COL19A1: variants seen among roughly 807,000 people sequenced by gnomAD.
The protein encoded by COL19A1 is collagen alpha-1(XIX) chain.
COL19A1 carries 159 observed loss-of-function variants against 190.2 expected under a neutral mutation model. The observed-to-expected ratio is 0.84, with a 90% CI of 0.73 to 0.95. The LOEUF (loss-of-function observed/expected upper bound fraction) is 0.95. Ranked by LOEUF, COL19A1 falls within the 40% of genes least tolerant of loss-of-function variation. The pLI is 0.00. For missense variants in COL19A1, 1,418 were observed against 1,431.9 expected, an observed-to-expected ratio of 0.99 and a Z score of 0.16; for synonymous variants, 509 against 458.9, an observed-to-expected ratio of 1.11 and a Z score of -1.39.
chr6:70,164,950 G>T (rs995017822), intron 36 of COL19A1, among the ~76,000 whole-genome samples: 3 of 152,094 alleles, frequency 2.0e-5, no homozygotes, highest in African/African-American at 7.2e-5. Context: ...TGATACTTTC[G>T]TTACAAAAAA....
intron 11 of COL19A1, among the ~76,000 whole-genome samples, chr6:69,989,553 CTTTTTTTTT>C (rs3072698): frequency 1.6e-5 from 2 of 126,354 alleles, no homozygotes; most frequent in Non-Finnish European, 3.3e-5. Flanking sequence ...GAGTTTTTTA[CTTTTTTTTT>C]TTTTTTTGCT....
intron 14 of COL19A1, among the ~76,000 whole-genome samples, chr6:70,040,617 G>A (rs1009293924): frequency 1.1e-4 from 17 of 151,950 alleles, no homozygotes; most frequent in African/African-American, 3.1e-4. Flanking sequence ...CTTTGATAAC[G>A]TTTGAATCCT....
At chr6:70,113,780 A>ATC (rs1375765852) in intron 16 of COL19A1, among the ~76,000 whole-genome samples, 1 of 140,290 alleles carries the variant, frequency 7.1e-6, no homozygotes, top group African/African-American at 2.7e-5. Flanking sequence ...CCTCTCTCTT[A>ATC]TCCTTACCCC....
intron 42 of COL19A1, among the ~76,000 whole-genome samples, chr6:70,178,366 A>T (rs1315054250): frequency 1.3e-5 from 2 of 152,176 alleles, no homozygotes; most frequent in Admixed American, 6.5e-5. Flanking sequence ...ACAGAGCAAG[A>T]CCCTGTCTCA....
intron 1 of COL19A1, among the ~76,000 whole-genome samples, chr6:69,876,624 T>C (rs982001583): frequency 2.0e-5 from 3 of 152,194 alleles, no homozygotes; most frequent in African/African-American, 7.2e-5. Flanking sequence ...GTACATAGCT[T>C]TTCCACAAGT....
intron 12 of COL19A1, among the ~76,000 whole-genome samples, chr6:70,024,533 A>G (rs1055736735): frequency 6.6e-6 from 1 of 151,826 alleles, no homozygotes; most frequent in African/African-American, 2.4e-5. Flanking sequence ...GGAGATCATT[A>G]CAGCGGAAGA....
intron 17 of COL19A1, among the ~76,000 whole-genome samples, chr6:70,123,513 G>A (rs1168282123): frequency 2.7e-5 from 4 of 145,556 alleles, no homozygotes; most frequent in African/African-American, 7.8e-5. Context: ...GCACACGTAT[G>A]TTTATTGTGG....
chr6:70,157,563 A>G (rs140055198), intron 34 of COL19A1, among the ~76,000 whole-genome samples: 1 of 152,270 alleles, frequency 6.6e-6, no homozygotes, highest in African/African-American at 2.4e-5. Flanking sequence ...TTACATTACC[A>G]GTAATCATCA....
chr6:70,193,217 A>G (rs192451372), intron 48 of COL19A1, among the ~76,000 whole-genome samples: 8 of 152,110 alleles, frequency 5.3e-5, no homozygotes, highest in Admixed American at 2.0e-4. Flanking sequence ...CAAAAGAGAC[A>G]CTTCTACTCC....
At chr6:69,894,262 A>G (rs749999546) in intron 2 of COL19A1, among the ~76,000 whole-genome samples, 1 of 152,216 alleles carries the variant, frequency 6.6e-6, no homozygotes, top group Non-Finnish European at 1.5e-5. Context: ...AAAACTTGGT[A>G]AGTTGCTTTG....
Position 69,932,831 on chromosome 6 carries a change from CAAG to C in COL19A1, c.718_720del (p.Glu240del). ...CTACTGCAGTGCAAACCTCATAGCTCAAGAAACATGTTGTGAAATATCAGATAC... is the reference window on the plus strand; with the variant it reads ...CTACTGCAGTGCAAACCTCATAGCTCAAACATGTTGTGAAATATCAGATAC... On this transcript the variant is annotated inframe_deletion, in exon 7 of 51. Transcript: ENST00000620364. 6.2e-7 allele frequency: 1 copy of C among 1,608,518 alleles called. No individual in the cohort carries two copies. The highest frequency in any genetic ancestry group is 8.5e-7 in the Non-Finnish European group (1 of 1,176,638).
chr6:70,131,211 A>G, intron 18 of COL19A1: 1 of 263,244 alleles, frequency 3.8e-6, no homozygotes, highest in Non-Finnish European at 8.0e-6. Context: ...AGAGATGAGT[A>G]GTTTGAAAAT....
At chr6:70,157,694 C>T (rs535684970) in intron 34 of COL19A1, among the ~76,000 whole-genome samples, 79 of 152,072 alleles carry the variant, frequency 5.2e-4, no homozygotes, top group African/African-American at 1.8e-3. Context: ...ATAAATAAAA[C>T]ATTATCTTCA....
chr6:70,201,046 G>T (rs1438284905), intron 49 of COL19A1, among the ~76,000 whole-genome samples: 3 of 152,106 alleles, frequency 2.0e-5, no homozygotes, highest in Non-Finnish European at 4.4e-5. Flanking sequence ...ATCTTTCGCT[G>T]GTTGGGTCTA....
At chr6:69,971,279 T>C (rs1409523432) in intron 11 of COL19A1, among the ~76,000 whole-genome samples, 2 of 152,234 alleles carry the variant, frequency 1.3e-5, no homozygotes, top group Admixed American at 1.3e-4. Context: ...GAGCATTCCC[T>C]TGTTGTTAGA....
intron 9 of COL19A1, among the ~76,000 whole-genome samples, chr6:69,959,417 C>T (rs922051544): frequency 2.4e-4 from 36 of 151,818 alleles, no homozygotes; most frequent in African/African-American, 7.3e-4. Flanking sequence ...GAAAAAATTC[C>T]GATTTTAGGC....
At position 70,107,959 on chromosome 6, in the gene COL19A1, G is replaced by T. The variant is rs1784070442; in HGVS notation, c.1278+5737G>T. Reference sequence around the variant, plus strand: ...TTTTTTAAAAACCTTCCAGTTATCTGAGTAGCATAAGCAGTGGAAAGTAAT... The same window carrying T: ...TTTTTTAAAAACCTTCCAGTTATCTTAGTAGCATAAGCAGTGGAAAGTAAT... On this transcript the variant is annotated intron_variant, in intron 16 of 50. Transcript: ENST00000620364. Among the ~76,000 whole-genome samples the T allele has an allele frequency of 1.3e-5, 2 of 152,118 alleles. 1 individual carries two copies. Among genetic ancestry groups the T allele is most frequent in the African/African-American group, 4.8e-5 (2 of 41,428 alleles).
intron 14 of COL19A1, among the ~76,000 whole-genome samples, chr6:70,057,428 A>G (rs3805997): frequency 0.62 from 94,057 of 151,926 alleles, 30,285 homozygotes; most frequent in African/African-American, 0.77. Flanking sequence ...TTTAAAAGAC[A>G]AAATTACCAA....
At chr6:70,133,377 T>C (rs1785642545) in intron 18 of COL19A1, among the ~76,000 whole-genome samples, 1 of 152,132 alleles carries the variant, frequency 6.6e-6, no homozygotes, top group African/African-American at 2.4e-5. Flanking sequence ...ACATCCTGTA[T>C]CAAGAACACT....
Sources: allele counts gnomAD v4.1 joint callset (sites outside exome capture counted in the v4.1 genomes callset), GRCh38; gene constraint gnomAD v4.1.1; transcripts MANE v1.5; gene names NCBI Gene and HGNC (gene_info 2026-07-23, HGNC 2026-07-21).